Variants in PPP1R16B observed in about 807,000 individuals in gnomAD.
PPP1R16B encodes the protein protein phosphatase 1 regulatory subunit 16B, also known as protein phosphatase 1 regulatory inhibitor subunit 16B.
Under a neutral mutation model 61.7 loss-of-function variants are expected in PPP1R16B, and 14 were observed. The observed-to-expected ratio is 0.23, with a 90% CI of 0.15 to 0.35. The LOEUF is 0.35. PPP1R16B is among the 10% of genes least tolerant of loss of function. The pLI is 1.00. For missense variants in PPP1R16B, 547 were observed against 752.5 expected (o/e 0.73, Z 3.19); for synonymous variants, 266 against 305.3 (o/e 0.87, Z 1.34).
In PPP1R16B at chr20:38,903,735, C is replaced by T. The variant is rs947803109; in HGVS notation, c.696+943C>T. Among the ~76,000 whole-genome samples the T allele has an allele frequency of 4.3e-4, 66 of 152,182 alleles. 2 individuals are homozygous for T. The highest frequency in any genetic ancestry group is 1.9e-4 in the East Asian group (1 of 5,198). On this transcript the variant is annotated intron_variant, in intron 6 of 10. Coordinates refer to ENST00000299824, the MANE Select transcript of PPP1R16B (RefSeq NM_015568.4). ...ATGGGACCTTCTTCTCTCTCAAATC[C>T]GCCTGGTTAACTCCACTCATCCTTG...
chr20:38,900,697 A>C lies in PPP1R16B; in HGVS notation c.571+13A>C. ...ATGGCATACCAGGGTAAGGGAGGGC[A>C]GCCTGCTATGAAGTGAGCACAGCAC... On this transcript the variant is annotated intron_variant, in intron 5 of 10. Coordinates refer to ENST00000299824, the MANE Select transcript of PPP1R16B (RefSeq NM_015568.4). 1 of 1,562,132 alleles carries C rather than the reference A, an allele frequency of 6.4e-7. No individual in the cohort carries two copies. Among genetic ancestry groups the C allele is most frequent in the South Asian group, 1.2e-5 (1 of 82,314 alleles).
At chr20:38,834,640 T>C (rs1396811390) in intron 1 of PPP1R16B, among the ~76,000 whole-genome samples, 1 of 152,178 alleles carries the variant, frequency 6.6e-6, no homozygotes, top group East Asian at 1.9e-4. Flanking sequence ...GTTCCTTAAA[T>C]TGAGCATCCC....
intron 4 of PPP1R16B, 115 bp from the exon 5 acceptor site, chr20:38,900,466 G>A: frequency 1.4e-6 from 1 of 713,428 alleles, no homozygotes; most frequent in South Asian, 1.9e-5. Context: ...ACCTTGGTGG[G>A]GTTTTGAGTG....
intron 2 of PPP1R16B, among the ~76,000 whole-genome samples, chr20:38,883,592 C>T (rs1219270763): frequency 6.6e-6 from 1 of 152,180 alleles, no homozygotes; most frequent in Non-Finnish European, 1.5e-5. Context: ...AGGGCCCTGC[C>T]TGTGTAGGGG....
chr20:38,826,983 C>T (rs74519763), intron 1 of PPP1R16B, among the ~76,000 whole-genome samples: 11,365 of 152,032 alleles, frequency 0.075, 445 homozygotes, highest in Admixed American at 0.11. Context: ...AGGGTCTTGT[C>T]CTGTCACTCA....
In PPP1R16B at chr20:38,873,745, T is replaced by TTTG. The variant is rs1555805666; in HGVS notation, c.251-15848_251-15847insGTT. On this transcript the variant is annotated intron_variant, in intron 2 of 10. Coordinates refer to ENST00000299824, the MANE Select transcript of PPP1R16B (RefSeq NM_015568.4). ...AGAAGCTGAAACATCTTTTTTTTGT[T>TTTG]TTTTTTTTTTTGAGATGGAGTCTCA... is the stretch of plus-strand genomic sequence containing the variant. Among the ~76,000 whole-genome samples the TTTG allele has an allele frequency of 1.2e-3, 175 of 149,402 alleles. 2 individuals are homozygous for TTTG. The highest frequency in any genetic ancestry group is 3.8e-3 in the African/African-American group (155 of 40,786).
chr20:38,842,942 T>C (rs531753746), intron 2 of PPP1R16B, among the ~76,000 whole-genome samples: 1 of 152,192 alleles, frequency 6.6e-6, no homozygotes, highest in African/African-American at 2.4e-5. Flanking sequence ...CAACAACCAT[T>C]GATAATATTT....
intron 2 of PPP1R16B, among the ~76,000 whole-genome samples, chr20:38,872,288 C>T (rs1429357326): frequency 1.3e-5 from 2 of 152,206 alleles, no homozygotes; most frequent in Non-Finnish European, 2.9e-5. Flanking sequence ...GAAGGGCATT[C>T]CAGACTAGGG....
At chr20:38,809,733 A>G (rs1272297188) in intron 1 of PPP1R16B, among the ~76,000 whole-genome samples, 1 of 152,122 alleles carries the variant, frequency 6.6e-6, no homozygotes, top group Non-Finnish European at 1.5e-5. Context: ...TAATCCCAGC[A>G]ATTTGGGAGG....
At chr20:38,910,379 G>A (rs113223820) in intron 10 of PPP1R16B, among the ~76,000 whole-genome samples, 1,733 of 152,152 alleles carry the variant, frequency 0.011, 33 homozygotes, top group African/African-American at 0.04. Flanking sequence ...TTCTCTCTCC[G>A]TCCTTTCCCC....
chr20:38,914,705 G>A (rs1373941694), intron 10 of PPP1R16B, among the ~76,000 whole-genome samples: 1 of 152,120 alleles, frequency 6.6e-6, no homozygotes, highest in Non-Finnish European at 1.5e-5. Flanking sequence ...TTCTGACAGG[G>A]TCACTCAGGT....
chr20:38,870,676 C>G (rs558156191), intron 2 of PPP1R16B, among the ~76,000 whole-genome samples: 71 of 152,246 alleles, frequency 4.7e-4, no homozygotes, highest in African/African-American at 1.7e-3. Context: ...GATGCTCCTG[C>G]TGGCTGATGG....
In PPP1R16B at chr20:38,889,514, G is replaced by C. The variant is rs578195512; in HGVS notation, c.251-81G>C. The C allele has an allele frequency of 5.1e-5, 62 of 1,220,118 alleles. No homozygotes were observed. The African/African-American group carries it at 7.6e-4, about 15-fold the overall frequency. 75.6% of individuals were successfully genotyped at this position (1,220,118 alleles called of 1,614,324 possible). Reference sequence around the variant, plus strand: ...CTACATTCTTCATAGGCCTGGGGGAGAGCGGGTCTTACCCGGGCCCCTGCA... The same window carrying C: ...CTACATTCTTCATAGGCCTGGGGGACAGCGGGTCTTACCCGGGCCCCTGCA... On this transcript the variant is annotated intron_variant, in intron 2 of 10. Coordinates refer to ENST00000299824, the MANE Select transcript of PPP1R16B (RefSeq NM_015568.4).
At position 38,907,661 on chromosome 20, in the gene PPP1R16B, G is replaced by T; in HGVS notation, c.899-145G>T. 9.0e-7 allele frequency: 1 copy of T among 1,115,660 alleles called. No individual in the cohort carries two copies. The highest frequency in any genetic ancestry group is 1.3e-6 in the Non-Finnish European group (1 of 778,162). 69.1% of individuals were successfully genotyped at this position (1,115,660 alleles called of 1,614,324 possible). ...AAACACACTCACTCAACTTTGGCTG[G>T]CATTGTTTTCTTGCCTCCCTGCATG... On this transcript the variant is annotated intron_variant, in intron 8 of 10. Coordinates refer to ENST00000299824, the MANE Select transcript of PPP1R16B (RefSeq NM_015568.4). This position sits in a 1 kb window ranked among gnomAD's most constrained non-coding sequence, Gnocchi z 4.5.
At position 38,907,003 on chromosome 20, in the gene PPP1R16B, T is replaced by C; in HGVS notation, c.847T>C (p.Ser283Pro). The C allele has an allele frequency of 6.2e-7, 1 of 1,613,988 alleles. No individual in the cohort carries two copies. The highest frequency in any genetic ancestry group is 8.5e-7 in the Non-Finnish European group (1 of 1,179,868). The change falls in exon 8 of 11, where the codon TCC becomes CCC. Residue 283 changes from serine to proline, a missense_variant. Coordinates refer to ENST00000299824, the MANE Select transcript of PPP1R16B (RefSeq NM_015568.4). This position sits in a 1 kb window ranked among gnomAD's most constrained non-coding sequence, Gnocchi z 4.5. ...GQMQMAELLV[S>P]HGASLSARTS... ...GATGCAGATGGCAGAGCTATTGGTG[T>C]CCCATGGAGCTAGTCTCAGTGCAAG...
At chr20:38,818,153 C>G (rs1335254873) in intron 1 of PPP1R16B, among the ~76,000 whole-genome samples, 2 of 152,244 alleles carry the variant, frequency 1.3e-5, no homozygotes, top group Non-Finnish European at 2.9e-5. Context: ...AATCTTAGCC[C>G]TGCCACTTCC....
chr20:38,918,011 C>T lies in PPP1R16B; in HGVS notation c.1195-146C>T, dbSNP rs1443807603. Reference sequence around the variant, plus strand: ...ACGGAAATTCATAGATTGGGGGTTCCCCAAAGGAAAACCCTGGCCCCGATA... The same window carrying T: ...ACGGAAATTCATAGATTGGGGGTTCTCCAAAGGAAAACCCTGGCCCCGATA... On this transcript the variant is annotated intron_variant, in intron 10 of 10. Transcript: ENST00000299824. This position sits in a 1 kb window ranked among gnomAD's most constrained non-coding sequence, Gnocchi z 5.3. The T allele has an allele frequency of 2.6e-6, 3 of 1,152,450 alleles. No homozygotes were observed. The highest frequency in any genetic ancestry group is 3.7e-6 in the Non-Finnish European group (3 of 815,706). The allele number at this position is 1,152,450 out of a possible 1,614,324, so 71.4% of individuals were successfully genotyped here. A position where few individuals can be genotyped will look rare whatever the true frequency, so the allele number is the denominator to read the frequency against.
intron 2 of PPP1R16B, among the ~76,000 whole-genome samples, chr20:38,860,354 A>G (rs1287760222): frequency 1.3e-5 from 2 of 152,006 alleles, no homozygotes; most frequent in Non-Finnish European, 2.9e-5. Context: ...CTCCCGCCTC[A>G]GCCTCCCAAA....
chr20:38,842,843 A>AC (rs1281471568), intron 2 of PPP1R16B, among the ~76,000 whole-genome samples: 1 of 144,314 alleles, frequency 6.9e-6, no homozygotes, highest in Non-Finnish European at 1.5e-5. Context: ...AAAAAAAAAA[A>AC]CCCTGTTATT....
Sources: allele counts gnomAD v4.1 joint callset (sites outside exome capture counted in the v4.1 genomes callset), GRCh38; gene constraint gnomAD v4.1.1; non-coding constraint Gnocchi (gnomAD v3.1); transcripts MANE v1.5; gene names NCBI Gene and HGNC (gene_info 2026-07-23, HGNC 2026-07-21).